WDR7: variants seen among roughly 807,000 people sequenced by gnomAD.
WDR7 encodes the protein WD repeat-containing protein 7.
Under a neutral mutation model 169.4 loss-of-function variants are expected in WDR7, and 46 were observed. That is an observed-to-expected ratio of 0.27 (90% CI 0.21 to 0.35). The LOEUF (loss-of-function observed/expected upper bound fraction) is 0.35. WDR7 is among the 10% of genes least tolerant of loss of function. WDR7 has a pLI of 1.00. For synonymous variants in WDR7, 612 were observed against 666.8 expected (o/e 0.92, Z 1.27); for missense variants, 1,534 against 1,859.3 (o/e 0.83, Z 3.22).
At chr18:56,785,545 A>T (rs1384139765) in intron 19 of WDR7, among the ~76,000 whole-genome samples, 1 of 152,206 alleles carries the variant, frequency 6.6e-6, no homozygotes, top group Non-Finnish European at 1.5e-5. Context: ...TCTGAAAATC[A>T]GAAAACGCTC....
intron 21 of WDR7, among the ~76,000 whole-genome samples, chr18:56,889,796 T>G (rs1599132957): frequency 1.3e-5 from 2 of 152,308 alleles, no homozygotes; most frequent in East Asian, 3.9e-4. Context: ...AATACGGACA[T>G]CTATTGAAGC....
At chr18:56,965,958 G>A (rs1222571946) in intron 26 of WDR7, among the ~76,000 whole-genome samples, 1 of 152,072 alleles carries the variant, frequency 6.6e-6, no homozygotes, top group Non-Finnish European at 1.5e-5. Context: ...TCTGTAAGCT[G>A]AAGCTTCCTG....
At chr18:56,797,958 A>G (rs369241875) in intron 19 of WDR7, among the ~76,000 whole-genome samples, 1 of 151,862 alleles carries the variant, frequency 6.6e-6, no homozygotes, top group African/African-American at 2.4e-5. Context: ...ATTCTTTTCT[A>G]TTTTTCCACT....
intron 19 of WDR7, among the ~76,000 whole-genome samples, chr18:56,804,667 A>G (rs928138546): frequency 1.3e-5 from 2 of 152,164 alleles, no homozygotes; most frequent in Non-Finnish European, 2.9e-5. Flanking sequence ...CAGCTTTATA[A>G]CAGTGGTCCG....
At chr18:56,660,048 G>A (rs1424427531) in intron 1 of WDR7, among the ~76,000 whole-genome samples, 4 of 152,158 alleles carry the variant, frequency 2.6e-5, no homozygotes, top group Non-Finnish European at 4.4e-5. Flanking sequence ...ATAGCCAGTG[G>A]AGTTTACTGA....
rs554261238 is a variant in WDR7 at position 56,682,978 on chromosome 18, A to T, written c.520+125A>T. On this transcript the variant is annotated intron_variant, in intron 5 of 27. Coordinates refer to ENST00000254442, the MANE Select transcript of WDR7 (RefSeq NM_015285.3). Reference sequence around the variant, plus strand: ...ATTCTTCTATGTAAGAAATAACTACACCAATAATTTATGGTCTGTTTCTTC... The same window carrying T: ...ATTCTTCTATGTAAGAAATAACTACTCCAATAATTTATGGTCTGTTTCTTC... The T allele has an allele frequency of 2.6e-5, 27 of 1,027,470 alleles. No homozygotes were observed. In the East Asian group the frequency reaches 6.1e-4, roughly 23 times the overall value. The allele number at this position is 1,027,470 out of a possible 1,614,324, so 63.6% of individuals were successfully genotyped here. A position where few individuals can be genotyped will look rare whatever the true frequency, so the allele number is the denominator to read the frequency against.
intron 26 of WDR7, among the ~76,000 whole-genome samples, chr18:56,982,131 T>C (rs2047655125): frequency 6.6e-6 from 1 of 152,156 alleles, no homozygotes; most frequent in South Asian, 2.1e-4. Context: ...ATGAAAGTAA[T>C]GAAGGGACCA....
chr18:56,823,253 A>G (rs749978877), intron 20 of WDR7, among the ~76,000 whole-genome samples: 3 of 152,150 alleles, frequency 2.0e-5, no homozygotes, highest in Admixed American at 6.5e-5. Flanking sequence ...CTCCTGCCTG[A>G]ATGTCCTGTA....
intron 27 of WDR7, among the ~76,000 whole-genome samples, chr18:57,022,240 C>A (rs4335841): frequency 0.32 from 48,592 of 152,200 alleles, 8,174 homozygotes; most frequent in Middle Eastern, 0.38. Context: ...GGGTCCCCCC[C>A]GCCGCCACTC....
intron 20 of WDR7, among the ~76,000 whole-genome samples, chr18:56,837,629 A>G (rs909024330): frequency 3.3e-5 from 5 of 152,192 alleles, no homozygotes; most frequent in African/African-American, 1.2e-4. Flanking sequence ...AATTTATATA[A>G]CATTAAGCAT....
At chr18:56,887,318 A>C (rs973776010) in intron 21 of WDR7, among the ~76,000 whole-genome samples, 1 of 152,176 alleles carries the variant, frequency 6.6e-6, no homozygotes, top group African/African-American at 2.4e-5. Context: ...TTTCTCCTCA[A>C]CTTTCCCAAT....
At chr18:56,859,666 A>G (rs535609511) in intron 20 of WDR7, among the ~76,000 whole-genome samples, 36 of 152,338 alleles carry the variant, frequency 2.4e-4, no homozygotes, top group African/African-American at 8.7e-4. Flanking sequence ...GTAAAACGAA[A>G]TAATTTCGAA....
chr18:56,845,722 G>A (rs2045556452), intron 20 of WDR7, among the ~76,000 whole-genome samples: 1 of 151,954 alleles, frequency 6.6e-6, no homozygotes, highest in Non-Finnish European at 1.5e-5. Flanking sequence ...AATTTAAAAT[G>A]GATTAGCTTC....
intron 12 of WDR7, among the ~76,000 whole-genome samples, chr18:56,705,761 G>A (rs1022568926): frequency 6.6e-6 from 1 of 152,184 alleles, no homozygotes; most frequent in Non-Finnish European, 1.5e-5. Flanking sequence ...CATTTTGGCA[G>A]GCTGAGGCTG....
At position 56,880,149 on chromosome 18, in the gene WDR7, G is replaced by A. The variant is rs34829031; in HGVS notation, c.3510G>A (p.Ser1170=). The change falls in exon 21 of 28, where the codon TCG becomes TCA. Residue 1170 remains serine, a synonymous_variant. Transcript: ENST00000254442. The part of the protein sequence containing the change: ...FGLTSGGSNY[S]LARHTCKALT... ...TGACTAGTGGTGGATCCAACTACTC[G>A]CTGGCCAGACATACTTGTAAGTTTT... 1,717 of 1,613,666 alleles carry A rather than the reference G, an allele frequency of 1.1e-3. 19 individuals carry two copies. In the African/African-American group the frequency reaches 0.021, roughly 19 times the overall value.
At chr18:57,003,432 T>C (rs2048010879) in intron 26 of WDR7, among the ~76,000 whole-genome samples, 1 of 152,004 alleles carries the variant, frequency 6.6e-6, no homozygotes, top group South Asian at 2.1e-4. Flanking sequence ...TTAAAGTCCT[T>C]TAAAAAGTCC....
chr18:56,943,692 TAATA>T (rs1440679852), intron 25 of WDR7, among the ~76,000 whole-genome samples: 1 of 152,148 alleles, frequency 6.6e-6, no homozygotes, highest in Non-Finnish European at 1.5e-5. Flanking sequence ...TGTAAAAAAG[TAATA>T]AATAATTTTT....
At chr18:57,013,063 A>G (rs2048159142) in intron 26 of WDR7, among the ~76,000 whole-genome samples, 2 of 152,216 alleles carry the variant, frequency 1.3e-5, no homozygotes, top group South Asian at 4.1e-4. Flanking sequence ...GACCAGTTTC[A>G]TGGAAGACAA....
chr18:57,010,632 A>G lies in WDR7; in HGVS notation c.4165-10113A>G, dbSNP rs566740110. ...CCTAATTTTCAAAGTATGATTCTATATAATTAATCATTTCAACATGCAAAG... is the reference window on the plus strand; with the variant it reads ...CCTAATTTTCAAAGTATGATTCTATGTAATTAATCATTTCAACATGCAAAG... On this transcript the variant is annotated intron_variant, in intron 26 of 27. Transcript: ENST00000254442. Among the ~76,000 whole-genome samples, 6 of 152,312 alleles carry G rather than the reference A, an allele frequency of 3.9e-5. No individual in the cohort carries two copies. The East Asian group carries it at 7.7e-4, about 20-fold the overall frequency.
Sources: allele counts gnomAD v4.1 joint callset (sites outside exome capture counted in the v4.1 genomes callset), GRCh38; gene constraint gnomAD v4.1.1; transcripts MANE v1.5; gene names NCBI Gene and HGNC (gene_info 2026-07-23, HGNC 2026-07-21).